HFM1: variants seen among roughly 807,000 people sequenced by gnomAD.
HFM1 encodes the protein helicase for meiosis 1.
A neutral mutation model predicts 192.1 loss-of-function variants in HFM1; 169 were observed. The observed-to-expected ratio is 0.88, with a 90% CI of 0.78 to 1.00. The LOEUF (loss-of-function observed/expected upper bound fraction) is 1.00. HFM1 is among the 50% of genes least tolerant of loss of function. The probability of loss-of-function intolerance (pLI) is 0.00; values close to 1 mark genes in which losing one functional copy is unlikely to be tolerated. For synonymous variants in HFM1, 525 were observed against 537.8 expected (o/e 0.98, Z 0.33); for missense variants, 1,661 against 1,668.0 (o/e 1.00, Z 0.07).
rs1028025524 is a variant in HFM1 at position 91,328,921 on chromosome 1, G to C, written c.2336-4155C>G. ...TCTATCCTGTGGCTACCGAGGACAT[G>C]GACTGCTTCACCTTCGGCAGCCCTG... On this transcript the variant is annotated intron_variant, in intron 20 of 38. Coordinates refer to ENST00000370425, the MANE Select transcript of HFM1 (RefSeq NM_001017975.6). 4.3e-6 allele frequency: 7 copies of C among 1,611,352 alleles called. No individual in the cohort carries two copies. In the African/African-American group the frequency reaches 9.3e-5, roughly 22 times the overall value.
intron 20 of HFM1, 116 bp downstream of exon 20, chr1:91,343,314 G>A: frequency 2.1e-6 from 1 of 475,484 alleles, no homozygotes; most frequent in East Asian, 4.2e-5. Context: ...ATGATACCCT[G>A]TTGAGAACTG....
At chr1:91,396,200 A>C (rs771188296) in intron 3 of HFM1, 93 bp downstream of exon 3, 1 of 579,254 alleles carries the variant, frequency 1.7e-6, no homozygotes, top group Non-Finnish European at 3.1e-6. Context: ...ATACATGTAT[A>C]CACAACGTGT....
At chr1:91,321,716 C>A (rs547545821) in intron 23 of HFM1, among the ~76,000 whole-genome samples, 21 of 151,876 alleles carry the variant, frequency 1.4e-4, no homozygotes, top group African/African-American at 5.1e-4. Context: ...TGCACAAAGG[C>A]GGGAAATGAT....
intron 34 of HFM1, among the ~76,000 whole-genome samples, chr1:91,271,999 C>G (rs1666349841): frequency 6.6e-6 from 1 of 152,070 alleles, no homozygotes; most frequent in Non-Finnish European, 1.5e-5. Flanking sequence ...AACATGCTTT[C>G]TCATATAATT....
chr1:91,330,253 G>A (rs1420706222), intron 20 of HFM1, among the ~76,000 whole-genome samples: 8 of 150,126 alleles, frequency 5.3e-5, no homozygotes, highest in African/African-American at 2.0e-4. Context: ...AATTATAAAA[G>A]TAAAAAAAAA....
chr1:91,316,210 CTTACCACAACACTTGAAATTCTTTTAG>C (rs781503238), intron 26 of HFM1, 26 bp from the exon 27 acceptor site: 1 of 1,307,670 alleles, frequency 7.6e-7, no homozygotes. Flanking sequence ...TCATTATATT[CTTACCACAACACTTGAAATTCTTTTAG>C]TAAAATATTT....
Position 91,380,104 on chromosome 1 carries a change from T to G in HFM1, c.1006A>C (p.Met336Leu). ...LPWLNIKIVYMAPIKALCSQR... is the reference protein window; with the variant it reads ...LPWLNIKIVYLAPIKALCSQR... ...CATCACTCTTATAATAAATACTTAC[T>G]GTAAACAATTTTAATATTCAACCAT... Residue 336 changes from methionine (M) to leucine (L), a missense_variant and splice_region_variant, in exon 8 of 39, where the codon ATG (methionine) becomes CTG (leucine). By Grantham distance (15) the Met-to-Leu change is conservative (BLOSUM62 2). Transcript: ENST00000370425. The G allele has an allele frequency of 7.4e-7, 1 of 1,349,274 alleles. No individual in the cohort carries two copies. Among genetic ancestry groups the G allele is most frequent in the South Asian group, 1.4e-5 (1 of 70,464 alleles). The allele number at this position is 1,349,274 out of a possible 1,614,324, so 83.6% of individuals were successfully genotyped here. A position where few individuals can be genotyped will look rare whatever the true frequency, so the allele number is the denominator to read the frequency against.
chr1:91,353,367 T>A, intron 13 of HFM1, 68 bp from the exon 14 acceptor site: 1 of 923,404 alleles, frequency 1.1e-6, no homozygotes. Flanking sequence ...AAACAGTTTA[T>A]TATTTTAAAA....
intron 4 of HFM1, among the ~76,000 whole-genome samples, chr1:91,391,242 A>C (rs1484814484): frequency 6.6e-6 from 1 of 152,238 alleles, no homozygotes; most frequent in Non-Finnish European, 1.5e-5. Context: ...ACAGAATTGG[A>C]AAAAACTACT....
chr1:91,284,218 A>G (rs927933295), intron 30 of HFM1, among the ~76,000 whole-genome samples: 1 of 151,336 alleles, frequency 6.6e-6, no homozygotes, highest in Non-Finnish European at 1.5e-5. Flanking sequence ...TCATTCAACT[A>G]CATTAATTAT....
At chr1:91,340,715 T>C (rs1306837705) in intron 20 of HFM1, among the ~76,000 whole-genome samples, 1 of 152,182 alleles carries the variant, frequency 6.6e-6, no homozygotes, top group Non-Finnish European at 1.5e-5. Context: ...CCATCTCATA[T>C]GCAATAACAC....
rs1012395501 is a variant in HFM1 at position 91,352,376 on chromosome 1, C to T, written c.1977+130G>A. ...GGCTTGTCTTACTTTTATTCCTCCA[C>T]TAAAGGTAAATTTTCTCTGCTATAT... On this transcript the variant is annotated intron_variant, in intron 16 of 38. Coordinates refer to ENST00000370425, the MANE Select transcript of HFM1 (RefSeq NM_001017975.6). 37 of 599,746 alleles carry T rather than the reference C, an allele frequency of 6.2e-5. 1 individual carries two copies. In the Admixed American group the frequency reaches 7.6e-4, roughly 12 times the overall value. The allele number at this position is 599,746 out of a possible 1,614,324, so 37.2% of individuals were successfully genotyped here.
At chr1:91,312,519 C>T (rs1451481874) in intron 30 of HFM1, among the ~76,000 whole-genome samples, 1 of 152,180 alleles carries the variant, frequency 6.6e-6, no homozygotes, top group Non-Finnish European at 1.5e-5. Context: ...TTTGTTTTGG[C>T]CAATTTCTCC....
intron 6 of HFM1, among the ~76,000 whole-genome samples, chr1:91,383,033 A>G (rs1238785887): frequency 2.6e-5 from 4 of 152,210 alleles, no homozygotes; most frequent in African/African-American, 4.8e-5. Context: ...AAACTCTCAA[A>G]TTATCACAAA....
At chr1:91,302,438 T>C (rs1335674388) in intron 30 of HFM1, among the ~76,000 whole-genome samples, 1 of 152,138 alleles carries the variant, frequency 6.6e-6, no homozygotes, top group Admixed American at 6.5e-5. Flanking sequence ...ATTGGGTATA[T>C]ATCCAAAGGA....
chr1:91,307,319 C>A (rs1649766955), intron 30 of HFM1, among the ~76,000 whole-genome samples: 1 of 152,112 alleles, frequency 6.6e-6, no homozygotes, highest in Admixed American at 6.6e-5. Context: ...TAAGTCATTT[C>A]AATTACTGTT....
chr1:91,309,995 G>A (rs891437324), intron 30 of HFM1, among the ~76,000 whole-genome samples: 14 of 151,558 alleles, frequency 9.2e-5, no homozygotes, highest in African/African-American at 2.7e-4. Context: ...GGAGATATAC[G>A]AGATAAGCCT....
intron 36 of HFM1, among the ~76,000 whole-genome samples, chr1:91,265,614 T>C (rs760016825): frequency 2.0e-5 from 3 of 152,208 alleles, no homozygotes; most frequent in Non-Finnish European, 2.9e-5. Context: ...TACCACACTT[T>C]ACTGATCTTT....
chr1:91,276,592 C>CTA (rs1666841074), intron 32 of HFM1, 36 bp downstream of exon 32: 1 of 1,017,400 alleles, frequency 9.8e-7, no homozygotes, highest in Non-Finnish European at 1.5e-6. Context: ...ATACGTTTAA[C>CTA]TACAGAACAA....
Sources: gnomAD v4.1 joint callset for allele counts (sites outside exome capture counted in the v4.1 genomes callset) on GRCh38, gnomAD v4.1.1 for gene constraint, MANE v1.5 for transcripts, NCBI Gene and HGNC (gene_info 2026-07-23, HGNC 2026-07-21) for gene names.